Variants in CSMD1 observed in about 807,000 individuals in gnomAD.
CSMD1 encodes the protein CUB and Sushi multiple domains 1.
In CSMD1, 213 loss-of-function variants were observed where a neutral mutation model predicts 417.5. The observed-to-expected ratio is 0.51, with a 90% CI of 0.46 to 0.57. CSMD1 has a LOEUF of 0.57. CSMD1 is among the 20% of genes least tolerant of loss of function. The pLI is 0.00. For synonymous variants in CSMD1, 2,862 were observed against 1,736.8 expected, an observed-to-expected ratio of 1.65 and a Z score of -16.11; for missense variants, 6,923 against 4,529.7, an observed-to-expected ratio of 1.53 and a Z score of -15.17.
chr8:3,185,511 C>A (rs934542510), intron 36 of CSMD1, among the ~76,000 whole-genome samples: 3 of 152,098 alleles, frequency 2.0e-5, no homozygotes, highest in Non-Finnish European at 4.4e-5. Context: ...TGACTGAGAA[C>A]ATTAGGTTAA....
At chr8:3,582,203 G>A (rs1053914316) in intron 9 of CSMD1, among the ~76,000 whole-genome samples, 8 of 152,210 alleles carry the variant, frequency 5.3e-5, no homozygotes, top group Non-Finnish European at 8.8e-5. Flanking sequence ...ACGATTCCCT[G>A]TAGTCTGTTT....
At chr8:3,402,245 G>A (rs1350069015) in intron 15 of CSMD1, among the ~76,000 whole-genome samples, 3 of 152,008 alleles carry the variant, frequency 2.0e-5, no homozygotes, top group Non-Finnish European at 4.4e-5. Context: ...CTTTTTCAAT[G>A]TTCAATCCTT....
intron 6 of CSMD1, among the ~76,000 whole-genome samples, chr8:3,724,604 A>G (rs1485016173): frequency 6.6e-6 from 1 of 152,128 alleles, no homozygotes; most frequent in Non-Finnish European, 1.5e-5. Flanking sequence ...GGGGAATGAG[A>G]ATTGGCCTCT....
chr8:3,118,444 G>A lies in CSMD1; in HGVS notation c.6385C>T (p.His2129Tyr). 1 of 1,613,776 alleles carries A rather than the reference G, an allele frequency of 6.2e-7. No homozygotes were observed. The highest frequency in any genetic ancestry group is 1.3e-5 in the African/African-American group (1 of 75,026). ...TAGTTCCAGTTTCTGTTGATCCCATGCTGACAAGTGAGGACAGGATGGCCT... is the reference window on the plus strand; with the variant it reads ...TAGTTCCAGTTTCTGTTGATCCCATACTGACAAGTGAGGACAGGATGGCCT... ...LIGHPVLTCQHGINRNWNYPF... is the reference protein window; with the variant it reads ...LIGHPVLTCQYGINRNWNYPF... The change falls in exon 42 of 70, where the codon CAT becomes TAT. Residue 2129 changes from histidine (H) to tyrosine (Y), a missense_variant. Transcript: ENST00000635120.
intron 5 of CSMD1, among the ~76,000 whole-genome samples, chr8:3,987,600 T>C (rs1264029076): frequency 1.3e-5 from 2 of 152,314 alleles, no homozygotes; most frequent in East Asian, 3.9e-4. Flanking sequence ...CTTCTCACTC[T>C]AAGGCCAATT....
intron 3 of CSMD1, among the ~76,000 whole-genome samples, chr8:4,284,482 C>T (rs990058277): frequency 6.7e-6 from 1 of 149,446 alleles, no homozygotes; most frequent in African/African-American, 2.5e-5. Context: ...TTTCTGTTTC[C>T]ACATGTTGCT....
intron 4 of CSMD1, among the ~76,000 whole-genome samples, chr8:4,009,545 A>C (rs1816385611): frequency 6.6e-6 from 1 of 152,254 alleles, no homozygotes; most frequent in African/African-American, 2.4e-5. Context: ...TCATGATGTT[A>C]AATTTAAAAA....
chr8:4,026,788 G>A (rs903973110), intron 4 of CSMD1, among the ~76,000 whole-genome samples: 1 of 152,216 alleles, frequency 6.6e-6, no homozygotes, highest in Non-Finnish European at 1.5e-5. Context: ...TAAGTTTGAA[G>A]TTGACAAATG....
At chr8:3,848,339 TCTTATTAAAGAGAG>T (rs1283699772) in intron 5 of CSMD1, among the ~76,000 whole-genome samples, 1 of 152,128 alleles carries the variant, frequency 6.6e-6, no homozygotes, top group Admixed American at 6.5e-5. Flanking sequence ...AAAGGAGCAA[TCTTATTAAAGAGAG>T]TAACTAGAAA....
rs139090030 is a variant in CSMD1, at chr8:3,485,178, G to T, written c.1448+8445C>A. ...GCAATCCAGGTGTCCATCTGTGGGT[G>T]AATATAAACTGTGGAACATTCATAC... On this transcript the variant is annotated intron_variant, in intron 11 of 69. Coordinates refer to ENST00000635120, the MANE Select transcript of CSMD1 (RefSeq NM_033225.6). Among the ~76,000 whole-genome samples, 31 of 152,286 alleles carry T rather than the reference G, an allele frequency of 2.0e-4. No homozygotes were observed. In the East Asian group the frequency reaches 5.4e-3, roughly 27 times the overall value.
At chr8:4,270,075 G>C (rs549299231) in intron 3 of CSMD1, among the ~76,000 whole-genome samples, 12 of 152,250 alleles carry the variant, frequency 7.9e-5, no homozygotes, top group African/African-American at 1.2e-4. Context: ...CTTCTGAGGA[G>C]AGAAACATGA....
chr8:4,446,413 T>G (rs919145293), intron 2 of CSMD1, among the ~76,000 whole-genome samples: 3 of 151,984 alleles, frequency 2.0e-5, no homozygotes, highest in African/African-American at 7.2e-5. Flanking sequence ...CCATGGGTGG[T>G]GGTGCACACC....
intron 25 of CSMD1, among the ~76,000 whole-genome samples, chr8:3,306,689 C>T (rs1184565946): frequency 6.6e-6 from 1 of 152,076 alleles, no homozygotes; most frequent in Admixed American, 6.5e-5. Flanking sequence ...AGGAAAAATA[C>T]ATTTTAAAAA....
intron 2 of CSMD1, among the ~76,000 whole-genome samples, chr8:4,425,411 T>C (rs1470316180): frequency 6.6e-6 from 1 of 151,412 alleles, no homozygotes; most frequent in African/African-American, 2.4e-5. Flanking sequence ...AGTCCAACAT[T>C]AGTTGACAGG....
At chr8:3,270,528 A>G (rs780879590) in intron 26 of CSMD1, among the ~76,000 whole-genome samples, 1 of 152,220 alleles carries the variant, frequency 6.6e-6, no homozygotes, top group Non-Finnish European at 1.5e-5. Flanking sequence ...TCCAACTGGT[A>G]TCAAAATTTT....
At chr8:4,841,894 A>G in intron 1 of CSMD1, among the ~76,000 whole-genome samples, 1 of 134,184 alleles carries the variant, frequency 7.5e-6, no homozygotes, top group Admixed American at 7.9e-5. Flanking sequence ...CGGGGCAACA[A>G]GAGCAAAACT....
At chr8:4,792,253 T>TA (rs1237381465) in intron 1 of CSMD1, among the ~76,000 whole-genome samples, 3 of 152,112 alleles carry the variant, frequency 2.0e-5, no homozygotes, top group Non-Finnish European at 4.4e-5. Flanking sequence ...ATAACAGTGA[T>TA]AAAACAAGCA....
intron 26 of CSMD1, among the ~76,000 whole-genome samples, chr8:3,276,054 G>A (rs1404178609): frequency 6.6e-6 from 1 of 152,160 alleles, no homozygotes; most frequent in Non-Finnish European, 1.5e-5. Context: ...CCCCATCTTT[G>A]TGGTTTTATC....
At chr8:3,697,513 T>G in intron 7 of CSMD1, among the ~76,000 whole-genome samples, 1 of 152,196 alleles carries the variant, frequency 6.6e-6, no homozygotes, top group East Asian at 1.9e-4. Context: ...GAAAGCTTCA[T>G]TGATTAGTTT....
Sources: gnomAD v4.1 joint callset for allele counts (sites outside exome capture counted in the v4.1 genomes callset) on GRCh38, gnomAD v4.1.1 for gene constraint, MANE v1.5 for transcripts, NCBI Gene and HGNC (gene_info 2026-07-23, HGNC 2026-07-21) for gene names.